The following THSD4 variants were observed in gnomAD, a reference collection of about 807,000 sequenced individuals.
The protein encoded by THSD4 is thrombospondin type 1 domain containing 4, also known as thrombospondin type-1 domain-containing protein 4.
THSD4 carries 69 observed loss-of-function variants against 119.0 expected under a neutral mutation model. The observed-to-expected ratio is 0.58, with a 90% CI of 0.48 to 0.71. The LOEUF (loss-of-function observed/expected upper bound fraction) is 0.71. THSD4 is among the 30% of genes least tolerant of loss of function. The pLI, the probability that THSD4 is intolerant of heterozygous loss-of-function variation, is 0.00. For synonymous variants in THSD4, 524 were observed against 540.4 expected (o/e 0.97, Z 0.42); for missense variants, 1,393 against 1,391.1 (o/e 1.00, Z -0.02).
chr15:71,494,745 G>C (rs930287066), intron 7 of THSD4, among the ~76,000 whole-genome samples: 6 of 152,202 alleles, frequency 3.9e-5, no homozygotes, highest in African/African-American at 1.4e-4. Context: ...TTCGGCTCTT[G>C]ATTTTATGCC....
At chr15:71,167,568 T>A (rs142996312) in intron 3 of THSD4, among the ~76,000 whole-genome samples, 99 of 152,318 alleles carry the variant, frequency 6.5e-4, no homozygotes, top group Admixed American at 2.4e-3. Flanking sequence ...ATTTTTTTCA[T>A]CAAGGCATAA....
chr15:71,506,890 G>A (rs1036532699), intron 7 of THSD4, among the ~76,000 whole-genome samples: 1 of 152,212 alleles, frequency 6.6e-6, no homozygotes. Context: ...GTAAAAGGTA[G>A]AATGTTATCA....
At chr15:71,390,635 G>C (rs144767899) in intron 6 of THSD4, among the ~76,000 whole-genome samples, 2 of 152,202 alleles carry the variant, frequency 1.3e-5, no homozygotes, top group African/African-American at 4.8e-5. Context: ...ATTTGTCAGA[G>C]CTCTGCCCTG....
chr15:71,518,322 A>G (rs1340154876), intron 7 of THSD4, among the ~76,000 whole-genome samples: 1 of 152,030 alleles, frequency 6.6e-6, no homozygotes, highest in Non-Finnish European at 1.5e-5. Context: ...CAGCTTTAAA[A>G]CGTTAAATAT....
At chr15:71,459,380 G>GTCTCTCTCTCTCTCTCTC (rs141034841) in intron 7 of THSD4, among the ~76,000 whole-genome samples, 4 of 137,750 alleles carry the variant, frequency 2.9e-5, no homozygotes, top group South Asian at 2.5e-4. Context: ...CTGTCTCTCT[G>GTCTCTCTCTCTCTCTCTC]TCTCTCTCTC....
intron 1 of THSD4, chr15:71,097,030 G>A (rs2040233567): frequency 6.6e-6 from 1 of 152,178 alleles, no homozygotes; most frequent in African/African-American, 2.4e-5. Context: ...CTTTATATTA[G>A]GGGAAAACAG....
intron 8 of THSD4, among the ~76,000 whole-genome samples, chr15:71,695,367 G>T (rs931346729): frequency 6.6e-6 from 1 of 151,880 alleles, no homozygotes; most frequent in Admixed American, 6.5e-5. Flanking sequence ...GTATGAGTGT[G>T]TGTGTATGTA....
At chr15:71,532,162 T>TATAGCC (rs2048618233) in intron 7 of THSD4, among the ~76,000 whole-genome samples, 1 of 152,098 alleles carries the variant, frequency 6.6e-6, no homozygotes, top group Admixed American at 6.6e-5. Context: ...GTGCTTATTC[T>TATAGCC]ATAGCCTTGG....
At chr15:71,241,862 C>T (rs1455953966) in intron 4 of THSD4, among the ~76,000 whole-genome samples, 1 of 152,212 alleles carries the variant, frequency 6.6e-6, no homozygotes, top group African/African-American at 2.4e-5. Flanking sequence ...CAGCCCAACA[C>T]AAATTCGTAA....
At chr15:71,488,368 A>G (rs192489372) in intron 7 of THSD4, among the ~76,000 whole-genome samples, 4 of 152,330 alleles carry the variant, frequency 2.6e-5, no homozygotes, top group Admixed American at 2.6e-4. Context: ...GAATTTTTGC[A>G]TAAGAATTCA....
At chr15:71,215,728 G>A (rs62017769) in intron 4 of THSD4, among the ~76,000 whole-genome samples, 49,314 of 151,912 alleles carry the variant, frequency 0.32, 8,184 homozygotes, top group East Asian at 0.48. Context: ...TCCGGGTGCC[G>A]GGAAGGAGAG....
At chr15:71,335,678 A>G (rs1299251969) in intron 6 of THSD4, among the ~76,000 whole-genome samples, 2 of 152,164 alleles carry the variant, frequency 1.3e-5, no homozygotes, top group African/African-American at 2.4e-5. Flanking sequence ...AGATGAATGC[A>G]AGGCTTATTT....
At position 71,779,303 on chromosome 15, in the gene THSD4, G is replaced by T. The variant is rs1000830773; in HGVS notation, c.*1929G>T. The T allele has an allele frequency of 3.3e-5, 5 of 152,212 alleles. No individual in the cohort carries two copies. Among genetic ancestry groups the T allele is most frequent in the Non-Finnish European group, 7.3e-5 (5 of 68,070 alleles). 9.4% of individuals were successfully genotyped at this position (152,212 alleles called of 1,614,324 possible). A position where few individuals can be genotyped will look rare whatever the true frequency, so the allele number is the denominator to read the frequency against. On this transcript the variant is annotated 3_prime_UTR_variant, in exon 18 of 18. Coordinates refer to ENST00000261862, the MANE Select transcript of THSD4 (RefSeq NM_024817.3). Reference sequence around the variant, plus strand: ...GACAAAGTGAAAAGAGACCAGAGAGGCCAAGCATATTGACTGGTGCTGTTC... The same window carrying T: ...GACAAAGTGAAAAGAGACCAGAGAGTCCAAGCATATTGACTGGTGCTGTTC...
chr15:71,770,646 C>CTG (rs1217314001), intron 16 of THSD4, among the ~76,000 whole-genome samples: 10 of 152,028 alleles, frequency 6.6e-5, no homozygotes, highest in Non-Finnish European at 1.3e-4. Context: ...CAGAGCAAGA[C>CTG]TCCATCTCAA....
upstream of THSD4, among the ~76,000 whole-genome samples, chr15:71,113,090 G>A (rs943264531): frequency 9.2e-5 from 14 of 152,348 alleles, no homozygotes; most frequent in South Asian, 1.5e-3. Context: ...CTGGGAGGCC[G>A]CAGTGAGAGG....
Position 71,294,856 on chromosome 15 carries a change from G to A in THSD4, c.1015+38141G>A, listed in dbSNP as rs187617863. Among the ~76,000 whole-genome samples, 10 of 151,152 alleles carry A rather than the reference G, an allele frequency of 6.6e-5. No individual in the cohort carries two copies. The East Asian group carries it at 1.2e-3, about 18-fold the overall frequency. On this transcript the variant is annotated intron_variant, in intron 6 of 17. Coordinates refer to ENST00000261862, the MANE Select transcript of THSD4 (RefSeq NM_024817.3). ...CGCCCAATCCAGTATTTGATGCGTCGGTGGTCACTCGGAAGGTTGTTATTT... is the reference window on the plus strand; with the variant it reads ...CGCCCAATCCAGTATTTGATGCGTCAGTGGTCACTCGGAAGGTTGTTATTT...
At chr15:71,224,847 C>G (rs1314749489) in intron 4 of THSD4, among the ~76,000 whole-genome samples, 2 of 152,192 alleles carry the variant, frequency 1.3e-5, no homozygotes, top group African/African-American at 4.8e-5. Context: ...TGTGATTACA[C>G]TGGACCCACC....
At chr15:71,758,311 C>T (rs1480420288) in intron 15 of THSD4, among the ~76,000 whole-genome samples, 5 of 152,240 alleles carry the variant, frequency 3.3e-5, no homozygotes, top group Non-Finnish European at 7.3e-5. Context: ...GTGAGCAACA[C>T]AAATATCTCT....
rs575725761 is a variant in THSD4, at chr15:71,338,431, G to A, written c.1016-73256G>A. On this transcript the variant is annotated intron_variant, in intron 6 of 17. Coordinates refer to ENST00000261862, the MANE Select transcript of THSD4 (RefSeq NM_024817.3). ...GTTCACATTGCTCCAGTTCATACTC[G>A]CGCGTGGATCCTAGAATTGGGCCAT... is the stretch of plus-strand genomic sequence containing the variant. Among the ~76,000 whole-genome samples, 10 of 152,174 alleles carry A rather than the reference G, an allele frequency of 6.6e-5. No individual in the cohort carries two copies. The South Asian group carries it at 1.5e-3, about 22-fold the overall frequency.
Sources: allele counts gnomAD v4.1 joint callset (sites outside exome capture counted in the v4.1 genomes callset), GRCh38; gene constraint gnomAD v4.1.1; transcripts MANE v1.5; gene names NCBI Gene and HGNC (gene_info 2026-07-23, HGNC 2026-07-21).